The following ASAP2 variants were observed in gnomAD, a reference collection of about 807,000 sequenced individuals.
ASAP2 encodes the protein ArfGAP with SH3 domain, ankyrin repeat and PH domain 2, also known as arf-GAP with SH3 domain, ANK repeat and PH domain-containing protein 2.
Under a neutral mutation model 131.4 loss-of-function variants are expected in ASAP2, and 45 were observed. That is an observed-to-expected ratio of 0.34 (90% CI 0.27 to 0.44). ASAP2 has a LOEUF of 0.44. Among genes scored for constraint, ASAP2 ranks in the 20% least tolerant of loss-of-function variants. ASAP2 has a pLI of 1.00. For missense variants in ASAP2, 1,011 were observed against 1,297.0 expected, an observed-to-expected ratio of 0.78 and a Z score of 3.39; for synonymous variants, 510 against 503.0, an observed-to-expected ratio of 1.01 and a Z score of -0.19.
At chr2:9,348,604 A>G (rs1440199265) in intron 11 of ASAP2, among the ~76,000 whole-genome samples, 2 of 152,234 alleles carry the variant, frequency 1.3e-5, no homozygotes, top group Non-Finnish European at 2.9e-5. Context: ...CTTAAGATCA[A>G]CTTGTGTGTT....
chr2:9,315,528 G>A (rs909446448), intron 3 of ASAP2, among the ~76,000 whole-genome samples: 2 of 149,712 alleles, frequency 1.3e-5, no homozygotes, highest in African/African-American at 5.1e-5. Context: ...GGGCTTTGTA[G>A]GAAGGAAGAG....
intron 1 of ASAP2, among the ~76,000 whole-genome samples, chr2:9,225,907 C>T (rs867227312): frequency 1.3e-5 from 2 of 152,234 alleles, no homozygotes; most frequent in African/African-American, 4.8e-5. Flanking sequence ...GCCGGCCTTC[C>T]CCCTTCCCTT....
intron 1 of ASAP2, among the ~76,000 whole-genome samples, chr2:9,209,111 G>A (rs1661352952): frequency 6.6e-6 from 1 of 152,210 alleles, no homozygotes; most frequent in African/African-American, 2.4e-5. Flanking sequence ...AAAGAGACTG[G>A]ATTTGGTCAT....
At chr2:9,326,923 G>T (rs185739671) in intron 6 of ASAP2, among the ~76,000 whole-genome samples, 1 of 152,274 alleles carries the variant, frequency 6.6e-6, no homozygotes, top group Admixed American at 6.5e-5. Context: ...CCTGGGAGTA[G>T]AATTTCTAGG....
At chr2:9,254,306 A>G in intron 1 of ASAP2, among the ~76,000 whole-genome samples, 1 of 131,538 alleles carries the variant, frequency 7.6e-6, no homozygotes, top group Non-Finnish European at 1.6e-5. Context: ...TTATTCTATT[A>G]GTCATTGTTG....
At chr2:9,300,392 CCTT>C (rs145074565) in intron 3 of ASAP2, among the ~76,000 whole-genome samples, 7,257 of 152,306 alleles carry the variant, frequency 0.048, 609 homozygotes, top group African/African-American at 0.17. Flanking sequence ...AGGAATCCCT[CCTT>C]CTCCTTTATA....
chr2:9,273,668 T>C (rs1224675869), intron 1 of ASAP2, among the ~76,000 whole-genome samples: 6 of 152,176 alleles, frequency 3.9e-5, no homozygotes, highest in African/African-American at 1.2e-4. Flanking sequence ...GATGAACTCA[T>C]AGGCAGTCAA....
At chr2:9,226,372 G>C (rs1662769017) in intron 1 of ASAP2, among the ~76,000 whole-genome samples, 1 of 152,160 alleles carries the variant, frequency 6.6e-6, no homozygotes, top group African/African-American at 2.4e-5. Flanking sequence ...GCAGGGAGCG[G>C]GGTCACCTCC....
At chr2:9,374,122 C>G (rs892866824) in intron 16 of ASAP2, among the ~76,000 whole-genome samples, 1 of 152,196 alleles carries the variant, frequency 6.6e-6, no homozygotes, top group East Asian at 1.9e-4. Flanking sequence ...CCCTTTTGTT[C>G]CTGCTTCTGT....
intron 9 of ASAP2, chr2:9,335,972 T>G (rs931337775): frequency 6.6e-6 from 1 of 152,162 alleles, no homozygotes; most frequent in Admixed American, 6.5e-5. Flanking sequence ...TTATTGTAAG[T>G]TCTTGTACTA....
chr2:9,385,627 G>A (rs543635193), intron 21 of ASAP2, among the ~76,000 whole-genome samples: 11 of 152,282 alleles, frequency 7.2e-5, no homozygotes, highest in South Asian at 2.1e-4. Context: ...TGTGTGGCGG[G>A]GGGGTTGATT....
chr2:9,340,833 T>C (rs1194963514), intron 9 of ASAP2, among the ~76,000 whole-genome samples: 1 of 152,196 alleles, frequency 6.6e-6, no homozygotes, highest in African/African-American at 2.4e-5. Flanking sequence ...TAATACTTCA[T>C]AGGGCCACAG....
At chr2:9,243,985 A>T (rs1014037787) in intron 1 of ASAP2, among the ~76,000 whole-genome samples, 1 of 152,222 alleles carries the variant, frequency 6.6e-6, no homozygotes, top group Non-Finnish European at 1.5e-5. Flanking sequence ...CATGATATGT[A>T]TATAAACTCA....
chr2:9,380,927 G>C lies in ASAP2; in HGVS notation c.2016+119G>C, dbSNP rs948600432. 3.6e-5 allele frequency: 40 copies of C among 1,109,836 alleles called. No homozygotes were observed. The Admixed American group carries it at 8.6e-4, about 24-fold the overall frequency. The allele number at this position is 1,109,836 out of a possible 1,614,324, so 68.7% of individuals were successfully genotyped here. On this transcript the variant is annotated intron_variant, in intron 20 of 27. Coordinates refer to ENST00000281419, the MANE Select transcript of ASAP2 (RefSeq NM_003887.3). The stretch of plus-strand genomic sequence containing the variant: ...GTCCTGAGCAGAGCTCAGTGTTTCT[G>C]ATGGGATGAGCCGAGAATCAGCCTG...
intron 16 of ASAP2, among the ~76,000 whole-genome samples, chr2:9,370,410 G>A (rs1673857875): frequency 6.6e-6 from 1 of 152,142 alleles, no homozygotes; most frequent in Admixed American, 6.5e-5. Flanking sequence ...GATAACGTGT[G>A]GTTTTACATA....
At chr2:9,365,773 G>T (rs1184925527) in intron 15 of ASAP2, among the ~76,000 whole-genome samples, 1 of 152,162 alleles carries the variant, frequency 6.6e-6, no homozygotes, top group African/African-American at 2.4e-5. Flanking sequence ...GCTTCTTATT[G>T]ACTCATCGCT....
chr2:9,385,069 G>C (rs956631164), intron 20 of ASAP2, among the ~76,000 whole-genome samples, 176 bp from the exon 21 acceptor site: 1 of 152,218 alleles, frequency 6.6e-6, no homozygotes, highest in African/African-American at 2.4e-5. Context: ...CCAGCTTTGA[G>C]TTTCAAGGTT....
At chr2:9,261,642 T>G (rs17627122) in intron 1 of ASAP2, among the ~76,000 whole-genome samples, 1 of 152,082 alleles carries the variant, frequency 6.6e-6, no homozygotes, top group Non-Finnish European at 1.5e-5. Context: ...TGGGAGCACT[T>G]TGGGAGCTTT....
At chr2:9,402,752 T>C (rs778797345) in intron 27 of ASAP2, among the ~76,000 whole-genome samples, 9 of 152,190 alleles carry the variant, frequency 5.9e-5, no homozygotes, top group Non-Finnish European at 8.8e-5. Flanking sequence ...ATTTACACTC[T>C]TGAGATCATA....
Sources: allele counts gnomAD v4.1 joint callset (sites outside exome capture counted in the v4.1 genomes callset), GRCh38; gene constraint gnomAD v4.1.1; transcripts MANE v1.5; gene names NCBI Gene and HGNC (gene_info 2026-07-23, HGNC 2026-07-21).